THSD7B: variants seen among roughly 807,000 people sequenced by gnomAD.
THSD7B encodes the protein thrombospondin type-1 domain-containing protein 7B.
A neutral mutation model predicts 213.6 loss-of-function variants in THSD7B; 138 were observed. That is an observed-to-expected ratio of 0.65 (90% CI 0.56 to 0.74). The LOEUF (loss-of-function observed/expected upper bound fraction) is 0.74. Ranked by LOEUF, THSD7B falls within the 30% of genes least tolerant of loss-of-function variation. The pLI, the probability that THSD7B is intolerant of heterozygous loss-of-function variation, is 0.00. For missense variants in THSD7B, 1,931 were observed against 1,991.5 expected (o/e 0.97, Z 0.58); for synonymous variants, 742 against 687.0 (o/e 1.08, Z -1.25).
intron 10 of THSD7B, among the ~76,000 whole-genome samples, chr2:137,271,014 C>T (rs1682720530): frequency 6.6e-6 from 1 of 152,030 alleles, no homozygotes; most frequent in Non-Finnish European, 1.5e-5. Flanking sequence ...AGTTGCTTCT[C>T]ACTGTGGGTC....
chr2:137,449,779 C>CTTTTCACCCAATT lies in THSD7B; in HGVS notation c.2960-1065_2960-1053dup, dbSNP rs1485493251. 4.6e-5 allele frequency among the ~76,000 whole-genome samples: 7 copies of CTTTTCACCCAATT among 152,154 alleles called. No individual in the cohort carries two copies. The East Asian group carries it at 1.3e-3, about 29-fold the overall frequency. On this transcript the variant is annotated intron_variant, in intron 14 of 27. Transcript: ENST00000409968. ...AAAAGGACCCAGTCCTCTTTTAAGG[C>CTTTTCACCCAATT]TTTTCACCCAATTAAGCCAGGCCCA...
chr2:137,407,146 GA>G (rs1319293097), intron 13 of THSD7B, among the ~76,000 whole-genome samples: 8 of 151,998 alleles, frequency 5.3e-5, no homozygotes, highest in African/African-American at 1.9e-4. Flanking sequence ...GGAAAATATT[GA>G]AAATCCTAGG....
intron 7 of THSD7B, among the ~76,000 whole-genome samples, chr2:137,227,006 A>G (rs1019417023): frequency 6.6e-6 from 1 of 152,190 alleles, no homozygotes; most frequent in African/African-American, 2.4e-5. Context: ...TATATAAAAT[A>G]TTCAGAATAA....
intron 1 of THSD7B, among the ~76,000 whole-genome samples, chr2:136,875,725 A>G (rs1321529256): frequency 6.6e-6 from 1 of 152,186 alleles, no homozygotes; most frequent in East Asian, 1.9e-4. Flanking sequence ...TAAAGGAGTT[A>G]GGTCACTTTG....
At chr2:137,664,076 C>T (rs1683403329) in intron 26 of THSD7B, among the ~76,000 whole-genome samples, 1 of 152,138 alleles carries the variant, frequency 6.6e-6, no homozygotes, top group Admixed American at 6.5e-5. Context: ...TGGTCTTGAA[C>T]TCCTGACTTC....
At chr2:137,218,259 G>A (rs1030725752) in intron 7 of THSD7B, among the ~76,000 whole-genome samples, 2 of 152,042 alleles carry the variant, frequency 1.3e-5, no homozygotes, top group African/African-American at 4.8e-5. Context: ...TTTACTCTGA[G>A]CACACAACTT....
chr2:136,804,624 G>C (rs1473659522), intron 1 of THSD7B, among the ~76,000 whole-genome samples: 3 of 152,264 alleles, frequency 2.0e-5, no homozygotes, highest in Middle Eastern at 3.4e-3. Context: ...TTTGGATCCT[G>C]TGAATTGTTT....
chr2:137,617,020 C>T lies in THSD7B; in HGVS notation c.3565+704C>T, dbSNP rs565379646. ...ATGCCTGCAGAGGCAAAGCAATTGC[C>T]TTTTCTGAAAGAAAAAAAAAAATCC... is the stretch of plus-strand genomic sequence containing the variant. On this transcript the variant is annotated intron_variant, in intron 18 of 27. Coordinates refer to ENST00000409968, the MANE Select transcript of THSD7B (RefSeq NM_001316349.2). Among the ~76,000 whole-genome samples, 124 of 146,982 alleles carry T rather than the reference C, an allele frequency of 8.4e-4. 1 individual carries two copies. Among genetic ancestry groups the T allele is most frequent in the African/African-American group, 3.2e-3 (122 of 38,452 alleles).
At chr2:137,237,584 G>A (rs1681795666) in intron 9 of THSD7B, among the ~76,000 whole-genome samples, 2 of 152,296 alleles carry the variant, frequency 1.3e-5, no homozygotes, top group African/African-American at 4.8e-5. Context: ...GCGTGTATGT[G>A]CACACACACA....
chr2:137,103,967 G>T (rs184928068), intron 4 of THSD7B, among the ~76,000 whole-genome samples: 2 of 152,188 alleles, frequency 1.3e-5, no homozygotes, highest in East Asian at 3.9e-4. Context: ...GTCAATATTA[G>T]ATCAACGAGA....
chr2:137,031,812 C>A (rs1020500978), intron 2 of THSD7B, among the ~76,000 whole-genome samples: 17 of 150,878 alleles, frequency 1.1e-4, no homozygotes, highest in African/African-American at 3.2e-4. Context: ...ACTGGCCAAC[C>A]ATGGCATGCT....
Position 137,384,682 on chromosome 2 carries a change from C to T in THSD7B, c.2501-20931C>T, listed in dbSNP as rs80241575. Among the ~76,000 whole-genome samples, 976 of 152,278 alleles carry T rather than the reference C, an allele frequency of 6.4e-3. 12 individuals are homozygous for T. Among genetic ancestry groups the T allele is most frequent in the African/African-American group, 0.023 (945 of 41,562 alleles). The stretch of plus-strand genomic sequence containing the variant: ...ACATGGCATGGGCCCTGTCATCTTA[C>T]AGTCGTGGCCTAGAGTGACTTGGCA... On this transcript the variant is annotated intron_variant, in intron 12 of 27. Transcript: ENST00000409968.
At chr2:136,787,101 G>T (rs1182962043) in intron 1 of THSD7B, among the ~76,000 whole-genome samples, 2 of 152,058 alleles carry the variant, frequency 1.3e-5, no homozygotes, top group African/African-American at 4.8e-5. Context: ...CTTTGAGTTT[G>T]TTTCCAGGAT....
chr2:137,320,622 T>G (rs1684244053), intron 12 of THSD7B, among the ~76,000 whole-genome samples: 1 of 152,234 alleles, frequency 6.6e-6, no homozygotes, highest in African/African-American at 2.4e-5. Context: ...CTTTTCATAT[T>G]TAAATGGAAT....
At chr2:137,635,029 A>G (rs926241857) in intron 20 of THSD7B, among the ~76,000 whole-genome samples, 3 of 152,150 alleles carry the variant, frequency 2.0e-5, no homozygotes, top group African/African-American at 7.2e-5. Context: ...ATTATTGCTC[A>G]TATAATAATA....
chr2:137,007,452 G>A (rs1042646013), intron 2 of THSD7B, among the ~76,000 whole-genome samples: 9 of 152,124 alleles, frequency 5.9e-5, no homozygotes, highest in African/African-American at 2.2e-4. Context: ...AGAAATAAAG[G>A]CAGAAGCTGT....
At chr2:137,364,174 T>C (rs1015440010) in intron 12 of THSD7B, among the ~76,000 whole-genome samples, 1 of 152,176 alleles carries the variant, frequency 6.6e-6, no homozygotes, top group African/African-American at 2.4e-5. Context: ...AGCAAAGGCC[T>C]TTGACAAAAT....
chr2:137,311,367 C>T (rs899628629), intron 12 of THSD7B, among the ~76,000 whole-genome samples: 2 of 152,064 alleles, frequency 1.3e-5, no homozygotes, highest in Non-Finnish European at 2.9e-5. Flanking sequence ...TATCCTGAGA[C>T]TTTGCTGAAG....
At chr2:137,675,664 T>C (rs1442322951) in intron 27 of THSD7B, among the ~76,000 whole-genome samples, 1 of 151,958 alleles carries the variant, frequency 6.6e-6, no homozygotes, top group Non-Finnish European at 1.5e-5. Flanking sequence ...TCTTGGCACT[T>C]AGTATGCATC....
Sources: allele counts gnomAD v4.1 joint callset (sites outside exome capture counted in the v4.1 genomes callset), GRCh38; gene constraint gnomAD v4.1.1; transcripts MANE v1.5; gene names NCBI Gene and HGNC (gene_info 2026-07-23, HGNC 2026-07-21).